Variants in C10orf67 observed in about 807,000 individuals in gnomAD.
C10orf67 encodes uncharacterized protein C10orf67, mitochondrial.
Under a neutral mutation model 35.6 loss-of-function variants are expected in C10orf67, and 60 were observed. The observed-to-expected ratio is 1.68, with a 90% confidence interval of 1.37 to 2.09. The LOEUF is 2.09. Ranked by LOEUF, C10orf67 falls within the 30% of genes most tolerant of loss-of-function variation. C10orf67 has a pLI of 0.00. For missense variants in C10orf67, 474 were observed against 330.2 expected (o/e 1.44, Z -3.38); for synonymous variants, 167 against 115.8 (o/e 1.44, Z -2.84).
At chr10:23,302,919 T>C (rs1270278544) in intron 5 of C10orf67, among the ~76,000 whole-genome samples, 1 of 152,216 alleles carries the variant, frequency 6.6e-6, no homozygotes, top group African/African-American at 2.4e-5. Flanking sequence ...TTGGAAGCTC[T>C]GGCTTGGAAA....
At chr10:23,236,253 G>GAA (rs368833212) in intron 13 of C10orf67, among the ~76,000 whole-genome samples, 57 of 75,794 alleles carry the variant, frequency 7.5e-4, no homozygotes, top group Admixed American at 1.6e-3. Context: ...CCTCTCGGGG[G>GAA]AAAAAAAAAA....
At chr10:23,211,112 C>T in intron 15 of C10orf67, among the ~76,000 whole-genome samples, 1 of 152,158 alleles carries the variant, frequency 6.6e-6, no homozygotes, top group East Asian at 1.9e-4. Context: ...GTTGTGGAGG[C>T]TAGGAGTTCA....
intron 15 of C10orf67, among the ~76,000 whole-genome samples, chr10:23,219,394 C>T (rs1427051253): frequency 6.6e-6 from 1 of 152,204 alleles, no homozygotes; most frequent in Admixed American, 6.5e-5. Flanking sequence ...ATGTCAATAG[C>T]ACCTAATTAC....
chr10:23,276,183 T>C (rs565003052), intron 8 of C10orf67, among the ~76,000 whole-genome samples: 93 of 152,252 alleles, frequency 6.1e-4, no homozygotes, highest in African/African-American at 2.1e-3. Context: ...CCACTGAGTG[T>C]AGGTGTGGAT....
intron 1 of C10orf67, among the ~76,000 whole-genome samples, chr10:23,341,300 A>C (rs988630746): frequency 1.2e-4 from 19 of 152,206 alleles, no homozygotes; most frequent in African/African-American, 3.6e-4. Flanking sequence ...CTGCTGACAT[A>C]TAATGACCAG....
chr10:23,270,097 A>G (rs1451507421), intron 8 of C10orf67, among the ~76,000 whole-genome samples: 2 of 152,210 alleles, frequency 1.3e-5, no homozygotes, highest in African/African-American at 4.8e-5. Context: ...CCAAGAGCCA[A>G]TTAGAAGCAG....
At chr10:23,307,564 G>C (rs889397804) in intron 4 of C10orf67, among the ~76,000 whole-genome samples, 1 of 150,248 alleles carries the variant, frequency 6.7e-6, no homozygotes, top group African/African-American at 2.5e-5. Context: ...TCCAATATCA[G>C]CTTTTAAAAT....
intron 10 of C10orf67, among the ~76,000 whole-genome samples, chr10:23,254,925 C>A (rs994456663): frequency 6.6e-6 from 1 of 152,062 alleles, no homozygotes; most frequent in Non-Finnish European, 1.5e-5. Context: ...CCCTTTAAAT[C>A]GTCGAATATA....
intron 15 of C10orf67, among the ~76,000 whole-genome samples, chr10:23,212,366 C>CA (rs1481854432): frequency 6.6e-6 from 1 of 152,214 alleles, no homozygotes; most frequent in Non-Finnish European, 1.5e-5. Flanking sequence ...CAAAGGAATA[C>CA]ATAGCCCAAA....
At chr10:23,253,598 G>A (rs539646518) in intron 10 of C10orf67, among the ~76,000 whole-genome samples, 6 of 152,148 alleles carry the variant, frequency 3.9e-5, no homozygotes, top group South Asian at 2.1e-4. Flanking sequence ...AATTTTCCAC[G>A]TAGAAAGACA....
chr10:23,328,994 A>G (rs1293338732), intron 2 of C10orf67, among the ~76,000 whole-genome samples: 25 of 26,564 alleles, frequency 9.4e-4, no homozygotes, highest in Non-Finnish European at 1.1e-3. Flanking sequence ...ATAAACGAAC[A>G]AAAAAAAAAA....
At chr10:23,209,898 G>A (rs1168961393) in intron 15 of C10orf67, among the ~76,000 whole-genome samples, 1 of 151,124 alleles carries the variant, frequency 6.6e-6, no homozygotes, top group Admixed American at 6.6e-5. Flanking sequence ...TGCTCAGGAG[G>A]CTGAAGTGGA....
At chr10:23,240,893 G>A (rs955475493) in intron 12 of C10orf67, among the ~76,000 whole-genome samples, 2 of 152,206 alleles carry the variant, frequency 1.3e-5, no homozygotes, top group Non-Finnish European at 2.9e-5. Context: ...CAACAACACT[G>A]CCAGATTGCA....
chr10:23,250,041 T>C (rs1377907777), intron 12 of C10orf67, among the ~76,000 whole-genome samples: 43 of 152,054 alleles, frequency 2.8e-4, no homozygotes, highest in Non-Finnish European at 4.4e-5. Context: ...ATTTGAGAGG[T>C]TGAGGAACTG....
intron 2 of C10orf67, among the ~76,000 whole-genome samples, chr10:23,323,975 T>G (rs1845086273): frequency 1.0e-5 from 1 of 97,304 alleles, no homozygotes; most frequent in African/African-American, 3.8e-5. Flanking sequence ...ACATATGAGT[T>G]AAAATGCTTC....
At chr10:23,248,795 T>C (rs1588614447) in intron 12 of C10orf67, among the ~76,000 whole-genome samples, 1 of 152,102 alleles carries the variant, frequency 6.6e-6, no homozygotes, top group African/African-American at 2.4e-5. Flanking sequence ...TCCCAATTAG[T>C]TGGTTAAATG....
chr10:23,231,732 TAA>T (rs1841918828), intron 13 of C10orf67, among the ~76,000 whole-genome samples: 1 of 152,144 alleles, frequency 6.6e-6, no homozygotes, highest in African/African-American at 2.4e-5. Flanking sequence ...CTCATAATAG[TAA>T]AAAGTGAGAA....
At chr10:23,249,735 C>G (rs1842402174) in intron 12 of C10orf67, among the ~76,000 whole-genome samples, 1 of 152,174 alleles carries the variant, frequency 6.6e-6, no homozygotes, top group South Asian at 2.1e-4. Flanking sequence ...CCTCCGATGG[C>G]CTCCATCAGA....
chr10:23,283,222 A>C (rs954248939), intron 7 of C10orf67, among the ~76,000 whole-genome samples: 1 of 152,108 alleles, frequency 6.6e-6, no homozygotes, highest in Non-Finnish European at 1.5e-5. Flanking sequence ...AAAAATGAAA[A>C]AACAAACAAA....
Sources: gnomAD v4.1 joint callset for allele counts (sites outside exome capture counted in the v4.1 genomes callset) on GRCh38, gnomAD v4.1.1 for gene constraint, MANE v1.5 for transcripts, NCBI Gene and HGNC (gene_info 2026-07-23, HGNC 2026-07-21) for gene names.